The following EPC2 variants were observed in gnomAD, a reference collection of about 807,000 sequenced individuals.
EPC2 encodes the protein enhancer of polycomb 2, also known as enhancer of polycomb homolog 2.
A neutral mutation model predicts 92.1 loss-of-function variants in EPC2; 14 were observed. The ratio of observed to expected loss-of-function variants is 0.15; its 90% CI spans 0.10 to 0.24. The LOEUF is 0.24. EPC2 is among the 10% of genes least tolerant of loss of function. The pLI is 1.00. For synonymous variants in EPC2, 340 were observed against 334.7 expected (o/e 1.02, Z -0.17); for missense variants, 755 against 971.5 (o/e 0.78, Z 2.96).
intron 2 of EPC2, among the ~76,000 whole-genome samples, chr2:148,711,720 T>C (rs1478111702): frequency 6.6e-6 from 1 of 152,212 alleles, no homozygotes; most frequent in African/African-American, 2.4e-5. Context: ...CATCTTTTTT[T>C]CCTAGCAGTT....
chr2:148,653,879 C>T (rs887592301), intron 1 of EPC2, among the ~76,000 whole-genome samples: 5 of 151,608 alleles, frequency 3.3e-5, no homozygotes, highest in African/African-American at 1.2e-4. Flanking sequence ...TACTTAACCT[C>T]ATTGAGCCCC....
intron 2 of EPC2, among the ~76,000 whole-genome samples, chr2:148,700,484 C>T (rs1285059227): frequency 1.5e-5 from 2 of 133,902 alleles, no homozygotes; most frequent in South Asian, 6.0e-4. Flanking sequence ...AGACTCCCCC[C>T]CTCCCCCCCG....
chr2:148,703,657 T>C (rs1180813980), intron 2 of EPC2, among the ~76,000 whole-genome samples: 1 of 152,078 alleles, frequency 6.6e-6, no homozygotes, highest in East Asian at 1.9e-4. Flanking sequence ...ACCTCCTGAG[T>C]AGCTGGGACT....
At chr2:148,663,350 C>G (rs1574567834) in intron 1 of EPC2, among the ~76,000 whole-genome samples, 2 of 150,974 alleles carry the variant, frequency 1.3e-5, no homozygotes, top group South Asian at 2.1e-4. Context: ...TCCCGAGTAG[C>G]TGGGACCATA....
Position 148,644,987 on chromosome 2 carries a change from G to A in EPC2, c.-31G>A, listed in dbSNP as rs1208467428. ...CCTCCCCGCCCGCCCCGCCGCCGCC[G>A]CCCGGGCTGTTCCTGTAAGGCGGGG... On this transcript the variant is annotated 5_prime_UTR_variant, in exon 1 of 14. Transcript: ENST00000258484. 4.4e-6 allele frequency: 6 copies of A among 1,350,424 alleles called. No homozygotes were observed. The African/African-American group carries it at 6.1e-5, about 14-fold the overall frequency. The allele number at this position is 1,350,424 out of a possible 1,614,324, so 83.7% of individuals were successfully genotyped here.
At chr2:148,661,130 C>T (rs115892049) in intron 1 of EPC2, among the ~76,000 whole-genome samples, 3,922 of 152,096 alleles carry the variant, frequency 0.026, 59 homozygotes, top group East Asian at 0.032. Flanking sequence ...CTGGGATTCA[C>T]CATACATTTA....
chr2:148,670,145 A>C (rs774174698), intron 1 of EPC2, among the ~76,000 whole-genome samples: 19 of 151,992 alleles, frequency 1.3e-4, no homozygotes, highest in Non-Finnish European at 2.4e-4. Flanking sequence ...GCCTCAGTTT[A>C]TTCTCTTGCT....
chr2:148,702,708 C>T (rs1482797543), intron 2 of EPC2, among the ~76,000 whole-genome samples: 1 of 152,190 alleles, frequency 6.6e-6, no homozygotes, highest in Non-Finnish European at 1.5e-5. Flanking sequence ...GGGACCACAC[C>T]TGTTGAATGA....
intron 3 of EPC2, among the ~76,000 whole-genome samples, chr2:148,752,007 A>G (rs909054605): frequency 1.3e-5 from 2 of 152,188 alleles, no homozygotes; most frequent in African/African-American, 2.4e-5. Flanking sequence ...CAACACGGCA[A>G]TACACATTGT....
At chr2:148,656,026 G>GGT (rs1559139084) in intron 1 of EPC2, among the ~76,000 whole-genome samples, 1 of 84,112 alleles carries the variant, frequency 1.2e-5, no homozygotes, top group African/African-American at 4.8e-5. Context: ...TGTGTGTGTG[G>GGT]GGGGGGGGGG....
At chr2:148,774,239 T>C (rs1460881892) in intron 10 of EPC2, among the ~76,000 whole-genome samples, 1 of 152,180 alleles carries the variant, frequency 6.6e-6, no homozygotes, top group South Asian at 2.1e-4. Context: ...CTGCATCTTA[T>C]GTGGAATTGA....
chr2:148,686,045 G>C (rs1163407173), intron 1 of EPC2, among the ~76,000 whole-genome samples: 1 of 152,170 alleles, frequency 6.6e-6, no homozygotes, highest in Non-Finnish European at 1.5e-5. Flanking sequence ...AGTGAAGTTT[G>C]CTGCATCAGT....
At chr2:148,691,753 T>G (rs1681649118) in intron 2 of EPC2, 1 of 899,390 alleles carries the variant, frequency 1.1e-6, no homozygotes, top group Admixed American at 2.0e-5. Flanking sequence ...CTCAGGAAGA[T>G]TTTTTGCTTC....
intron 3 of EPC2, among the ~76,000 whole-genome samples, chr2:148,744,564 A>C (rs1348557036): frequency 6.6e-6 from 1 of 152,120 alleles, no homozygotes; most frequent in Non-Finnish European, 1.5e-5. Context: ...TTAATCATTT[A>C]TATTTATACA....
At chr2:148,715,189 G>A (rs1036353957) in intron 2 of EPC2, among the ~76,000 whole-genome samples, 4 of 151,756 alleles carry the variant, frequency 2.6e-5, no homozygotes, top group Non-Finnish European at 2.9e-5. Context: ...ACGTGCCACC[G>A]CACCCGGCTA....
intron 13 of EPC2, among the ~76,000 whole-genome samples, chr2:148,785,774 C>T (rs141783448): frequency 8.9e-4 from 135 of 152,234 alleles, no homozygotes; most frequent in African/African-American, 3.0e-3. Context: ...TGGATTACTA[C>T]GGACATCCAT....
chr2:148,661,738 T>C (rs1387913555), intron 1 of EPC2, among the ~76,000 whole-genome samples: 2 of 152,200 alleles, frequency 1.3e-5, no homozygotes, highest in African/African-American at 4.8e-5. Flanking sequence ...AATTCTGTAG[T>C]GTATCTACCA....
intron 1 of EPC2, among the ~76,000 whole-genome samples, chr2:148,688,546 A>G (rs750549765): frequency 5.9e-5 from 9 of 152,162 alleles, no homozygotes; most frequent in Admixed American, 3.9e-4. Flanking sequence ...CATGTGCCCT[A>G]AAACTTAAAG....
intron 3 of EPC2, among the ~76,000 whole-genome samples, chr2:148,745,387 T>C (rs1375394754): frequency 6.6e-6 from 1 of 152,108 alleles, no homozygotes; most frequent in Non-Finnish European, 1.5e-5. Flanking sequence ...GTAAGCAATA[T>C]TTAGTGTCCA....
Sources: allele counts gnomAD v4.1 joint callset (sites outside exome capture counted in the v4.1 genomes callset), GRCh38; gene constraint gnomAD v4.1.1; transcripts MANE v1.5; gene names NCBI Gene and HGNC (gene_info 2026-07-23, HGNC 2026-07-21).